Variants in ABCA6 observed in about 807,000 individuals in gnomAD.
The protein encoded by ABCA6 is ATP binding cassette subfamily A member 6.
A neutral mutation model predicts 191.2 loss-of-function variants in ABCA6; 164 were observed. The ratio of observed to expected loss-of-function variants is 0.86; its 90% confidence interval spans 0.76 to 0.98. The LOEUF (loss-of-function observed/expected upper bound fraction) is 0.98. Ranked by LOEUF, ABCA6 falls within the 50% of genes least tolerant of loss-of-function variation. ABCA6 has a pLI of 0.00. For missense variants in ABCA6, 1,958 were observed against 1,894.1 expected, an observed-to-expected ratio of 1.03 and a Z score of -0.63; for synonymous variants, 636 against 647.7, an observed-to-expected ratio of 0.98 and a Z score of 0.27.
At position 69,105,510 on chromosome 17, in the gene ABCA6, G is replaced by A. The variant is rs1223615787; in HGVS notation, c.2692C>T (p.Gln898Ter). 6.2e-7 allele frequency: 1 copy of A among 1,611,408 alleles called. No homozygotes were observed. The highest frequency in any genetic ancestry group is 2.2e-5 in the East Asian group (1 of 44,818). ...KNELYFLSPG[Q>*]LPQEPRTSLL... Reference sequence around the variant, plus strand: ...CTGGTACGGGGTTCCTGGGGAAGTTGTCCAGGAGAGAGAAAATACAATTCG... The same window carrying A: ...CTGGTACGGGGTTCCTGGGGAAGTTATCCAGGAGAGAGAAAATACAATTCG... Residue 898 changes from glutamine (Q) to a stop codon, truncating the protein, a stop_gained, in exon 20 of 39, where the codon CAA becomes TAA. Coordinates refer to ENST00000284425, the MANE Select transcript of ABCA6 (RefSeq NM_080284.3). LOFTEE classifies it high-confidence loss of function.
chr17:69,081,659 A>T (rs1280105223), intron 36 of ABCA6, among the ~76,000 whole-genome samples: 1 of 152,216 alleles, frequency 6.6e-6, no homozygotes, highest in Non-Finnish European at 1.5e-5. Context: ...GGAGGTTGAT[A>T]TTGGCGAAAG....
intron 18 of ABCA6, among the ~76,000 whole-genome samples, chr17:69,106,576 G>A (rs1469787549): frequency 8.3e-6 from 1 of 119,878 alleles, no homozygotes; most frequent in Non-Finnish European, 1.6e-5. Flanking sequence ...CTAGGAGACA[G>A]AGCAAGACTC....
intron 3 of ABCA6, 113 bp downstream of exon 3, chr17:69,137,183 A>T: frequency 1.0e-6 from 1 of 970,014 alleles, no homozygotes; most frequent in Non-Finnish European, 1.5e-6. Flanking sequence ...CTATTTTAGT[A>T]CTTAAGTTAT....
intron 27 of ABCA6, among the ~76,000 whole-genome samples, chr17:69,088,479 C>G (rs1180249035): frequency 6.6e-6 from 1 of 152,108 alleles, no homozygotes; most frequent in Non-Finnish European, 1.5e-5. Context: ...TCTATCTACT[C>G]TATCTTCAAA....
At chr17:69,118,002 A>C (rs2073568661) in intron 10 of ABCA6, 46 bp from the exon 11 acceptor site, 2 of 1,386,412 alleles carry the variant, frequency 1.4e-6, no homozygotes, top group Non-Finnish European at 2.0e-6. Flanking sequence ...CAGAAGTGAA[A>C]ATAGCACGGG....
chr17:69,133,031 A>T (rs2073892611), intron 6 of ABCA6, among the ~76,000 whole-genome samples: 1 of 152,230 alleles, frequency 6.6e-6, no homozygotes. Context: ...GGGGGGCAAG[A>T]TATAAATATC....
At chr17:69,106,592 C>CG (rs896267731) in intron 18 of ABCA6, among the ~76,000 whole-genome samples, 17 of 15,654 alleles carry the variant, frequency 1.1e-3, no homozygotes, top group African/African-American at 2.8e-3. Context: ...GACTCCATCT[C>CG]GAAAAAAAAA....
chr17:69,102,435 GA>G (rs1313739987), intron 21 of ABCA6, among the ~76,000 whole-genome samples: 1 of 152,104 alleles, frequency 6.6e-6, no homozygotes, highest in Non-Finnish European at 1.5e-5. Flanking sequence ...AGCAGACTGA[GA>G]ATACTTTTTT....
intron 13 of ABCA6, 68 bp downstream of exon 13, chr17:69,114,694 A>T: frequency 7.1e-7 from 1 of 1,410,396 alleles, no homozygotes; most frequent in Non-Finnish European, 9.5e-7. Context: ...CATTGAAGAG[A>T]ATTCTGTGGT....
At chr17:69,138,344 T>G (rs1406926025) in intron 2 of ABCA6, among the ~76,000 whole-genome samples, 2 of 152,178 alleles carry the variant, frequency 1.3e-5, no homozygotes, top group Non-Finnish European at 2.9e-5. Flanking sequence ...TTTATTTCAT[T>G]GAGCAGTGCT....
chr17:69,085,410 A>C (rs1006600279), intron 31 of ABCA6, among the ~76,000 whole-genome samples: 2 of 151,994 alleles, frequency 1.3e-5, no homozygotes, highest in African/African-American at 4.8e-5. Flanking sequence ...GTTCTTGAGA[A>C]ACTGATGAGT....
At position 69,110,840 on chromosome 17, in the gene ABCA6, C is replaced by T. The variant is rs765916370; in HGVS notation, c.2233G>A (p.Val745Ile). 3 of 1,611,240 alleles carry T rather than the reference C, an allele frequency of 1.9e-6. No individual in the cohort carries two copies. The highest frequency in any genetic ancestry group is 2.5e-6 in the Non-Finnish European group (3 of 1,178,616). Residue 745 changes from valine to isoleucine, a missense_variant, in exon 17 of 39, where the codon GTA (valine) becomes ATA (isoleucine). By Grantham distance (29) the Val-to-Ile change is conservative. Transcript: ENST00000284425. ...KLKTENKEKLVYTLPLERTNT... is the reference protein window; with the variant it reads ...KLKTENKEKLIYTLPLERTNT... ...GTCCTTTCCAGTGGCAAAGTATATA[C>T]AAGCTTTTCTTTGTTTTCTGTTTTT...
At chr17:69,103,911 C>CTTTTTTTTTTTTTTTTTTTTTTT (rs55850112) in intron 20 of ABCA6, 2 of 93,354 alleles carry the variant, frequency 2.1e-5, no homozygotes, top group Non-Finnish European at 4.0e-5. Flanking sequence ...AAAAGAAGGA[C>CTTTTTTTTTTTTTTTTTTTTTTT]TTTTTTTTTT....
chr17:69,096,770 C>T lies in ABCA6; in HGVS notation c.3152G>A (p.Gly1051Asp). ...ACACCAGTAAGCAGAAGTGTAGAGG[C>T]CTGAAATCCATAGCTGGGACTTAGC... The part of the protein sequence containing the change: ...KNAKSQLWIS[G>D]LYTSAYWCGQ... Residue 1051 changes from glycine to aspartate, a missense_variant, in exon 24 of 39, where the codon GGC becomes GAC. Transcript: ENST00000284425. 1 of 1,541,418 alleles carries T rather than the reference C, an allele frequency of 6.5e-7. No individual in the cohort carries two copies. Among genetic ancestry groups the T allele is most frequent in the African/African-American group, 1.4e-5 (1 of 70,086 alleles).
At position 69,137,347 on chromosome 17, in the gene ABCA6, T is replaced by C. The variant is rs754307443; in HGVS notation, c.250A>G (p.Asn84Asp). 2 of 1,613,640 alleles carry C rather than the reference T, an allele frequency of 1.2e-6. No homozygotes were observed. Among genetic ancestry groups the C allele is most frequent in the Non-Finnish European group, 1.7e-6 (2 of 1,179,732 alleles). ...SLMVVYTPIS[N>D]LTQQIMNKTA... Reference sequence around the variant, plus strand: ...TTATTCATTATCTGCTGGGTTAAATTAGATATTGGTGTATACACAACCATT... The same window carrying C: ...TTATTCATTATCTGCTGGGTTAAATCAGATATTGGTGTATACACAACCATT... The change falls in exon 3 of 39, where the codon AAT becomes GAT. Residue 84 changes from asparagine to aspartate, a missense_variant. Coordinates refer to ENST00000284425, the MANE Select transcript of ABCA6 (RefSeq NM_080284.3).
intron 18 of ABCA6, among the ~76,000 whole-genome samples, chr17:69,106,548 G>C (rs1443982410): frequency 7.5e-6 from 1 of 133,682 alleles, no homozygotes; most frequent in Non-Finnish European, 1.5e-5. Context: ...AGCCGAGATT[G>C]CACCACTGCA....
intron 17 of ABCA6, 122 bp from the exon 18 acceptor site, chr17:69,107,934 T>A (rs2073340719): frequency 1.5e-6 from 1 of 656,622 alleles, no homozygotes; most frequent in Non-Finnish European, 2.5e-6. Flanking sequence ...CCTTGGAGTA[T>A]CACAGTAGTC....
Position 69,082,897 on chromosome 17 carries a change from A to G in ABCA6, c.4592T>C (p.Phe1531Ser), listed in dbSNP as rs1161752649. The G allele has an allele frequency of 5.0e-6, 8 of 1,614,200 alleles. No homozygotes were observed. The highest frequency in any genetic ancestry group is 5.9e-6 in the Non-Finnish European group (7 of 1,180,006). The change falls in exon 36 of 39, where the codon TTC becomes TCC. Residue 1531 changes from phenylalanine to serine, a missense_variant. Transcript: ENST00000284425. ...TLVHTEILKL[F>S]PQAAGQERYS... is the part of the protein sequence containing the mutation. The stretch of plus-strand genomic sequence containing the variant: ...CCTTTCCTGCCCTGCAGCCTGTGGG[A>G]AAAGCTTCAGAATCTCAGTGTGGAC...
rs549795625 is a variant in ABCA6 at position 69,089,806 on chromosome 17, C to T, written c.3529-264G>A. 2.0e-5 allele frequency among the ~76,000 whole-genome samples: 3 copies of T among 152,090 alleles called. No homozygotes were observed. In the South Asian group the frequency reaches 6.2e-4, roughly 32 times the overall value. Reference sequence around the variant, plus strand: ...ATTTGGTTTTAACATTTGCAGAAAGCATATGTTATTACTGAAGCATATGTT... The same window carrying T: ...ATTTGGTTTTAACATTTGCAGAAAGTATATGTTATTACTGAAGCATATGTT... On this transcript the variant is annotated intron_variant, in intron 26 of 38. Coordinates refer to ENST00000284425, the MANE Select transcript of ABCA6 (RefSeq NM_080284.3).
Sources: allele counts gnomAD v4.1 joint callset (sites outside exome capture counted in the v4.1 genomes callset), GRCh38; gene constraint gnomAD v4.1.1; transcripts MANE v1.5; gene names NCBI Gene and HGNC (gene_info 2026-07-23, HGNC 2026-07-21).